The following APBB1IP variants were observed in gnomAD, a reference collection of about 807,000 sequenced individuals.
The protein encoded by APBB1IP is amyloid beta precursor protein binding family B member 1 interacting protein.
In APBB1IP, 27 loss-of-function variants were observed where a neutral mutation model predicts 64.9. The ratio of observed to expected loss-of-function variants is 0.42; its 90% confidence interval spans 0.31 to 0.57. The LOEUF (loss-of-function observed/expected upper bound fraction) is 0.57, where lower values mean the gene tolerates loss of function less well. APBB1IP is among the 20% of genes least tolerant of loss of function. The pLI, the probability that APBB1IP is intolerant of heterozygous loss-of-function variation, is 0.20. For synonymous variants in APBB1IP, 392 were observed against 331.0 expected (o/e 1.18, Z -2.00); for missense variants, 812 against 845.5 (o/e 0.96, Z 0.49).
chr10:26,497,721 A>AT (rs895511347), intron 4 of APBB1IP, among the ~76,000 whole-genome samples: 28,188 of 100,192 alleles, frequency 0.28, 5,246 homozygotes, highest in East Asian at 0.42. Context: ...TGTCCTCTGG[A>AT]TTTTTTTTTT....
chr10:26,516,754 T>C (rs1836336503), intron 8 of APBB1IP, among the ~76,000 whole-genome samples: 1 of 152,032 alleles, frequency 6.6e-6, no homozygotes. Context: ...TTTGTAGCTG[T>C]CTGTTTAGGA....
chr10:26,442,046 C>A (rs539395168), intron 2 of APBB1IP, among the ~76,000 whole-genome samples: 3 of 152,166 alleles, frequency 2.0e-5, no homozygotes, highest in East Asian at 3.9e-4. Flanking sequence ...CATGAAAAAA[C>A]CTGGGGCCTT....
chr10:26,439,448 T>A (rs899677973), intron 2 of APBB1IP, among the ~76,000 whole-genome samples: 1 of 152,222 alleles, frequency 6.6e-6, no homozygotes, highest in Admixed American at 6.5e-5. Flanking sequence ...AAAGATAGAT[T>A]TGGACACCAG....
chr10:26,479,796 T>C (rs1015871019), intron 2 of APBB1IP, among the ~76,000 whole-genome samples: 1 of 152,236 alleles, frequency 6.6e-6, no homozygotes, highest in Non-Finnish European at 1.5e-5. Context: ...CCAGCATGGC[T>C]GATCAAAATT....
chr10:26,487,529 T>A (rs1229643980), intron 2 of APBB1IP, among the ~76,000 whole-genome samples: 1 of 152,164 alleles, frequency 6.6e-6, no homozygotes, highest in African/African-American at 2.4e-5. Flanking sequence ...ACAATTTTGA[T>A]GTTGGCTCCA....
rs1287228962 is a variant in APBB1IP at position 26,501,110 on chromosome 10, A to T, written c.452A>T (p.Gln151Leu). The T allele has an allele frequency of 4.3e-6, 7 of 1,614,168 alleles. No homozygotes were observed. Among genetic ancestry groups the T allele is most frequent in the Non-Finnish European group, 5.9e-6 (7 of 1,180,016 alleles). ...CCACCACCTCCTGAACCTCTCTCTC[A>T]GGTAAGTATGTGGGACCAGAGATGG... is the stretch of plus-strand genomic sequence containing the variant. ...LPPPPPEPLS[Q>L]EEEEAQAKAD... The change falls in exon 5 of 15, where the codon CAG becomes CTG. Residue 151 changes from glutamine to leucine, a missense_variant and splice_region_variant. Transcript: ENST00000376236.
chr10:26,524,974 T>TTTTTTTTTTTTTTTTTTTTTTTTTTA lies in APBB1IP; in HGVS notation c.814-8465_814-8464insTTTTTTTTTTTTTTTTTTTTTTTTTA, dbSNP rs1554778195. Among the ~76,000 whole-genome samples, 63 of 126,754 alleles carry TTTTTTTTTTTTTTTTTTTTTTTTTTA rather than the reference T, an allele frequency of 5.0e-4. 3 individuals are homozygous for TTTTTTTTTTTTTTTTTTTTTTTTTTA. Among genetic ancestry groups the TTTTTTTTTTTTTTTTTTTTTTTTTTA allele is most frequent in the Non-Finnish European group, 9.1e-4 (53 of 58,158 alleles). 83.2% of individuals were successfully genotyped at this position (126,754 alleles called of 152,430 possible). A position where few individuals can be genotyped will look rare whatever the true frequency, so the allele number is the denominator to read the frequency against. On this transcript the variant is annotated intron_variant, in intron 8 of 14. Coordinates refer to ENST00000376236, the MANE Select transcript of APBB1IP (RefSeq NM_019043.4). ...TTCTTTCTTTTTTTTTTTTTTTTTT[T>TTTTTTTTTTTTTTTTTTTTTTTTTTA]ATAAAAAAAGGAATCCTGGCAAGAG...
intron 7 of APBB1IP, among the ~76,000 whole-genome samples, chr10:26,513,016 C>T (rs1159395580): frequency 6.6e-6 from 1 of 152,226 alleles, no homozygotes; most frequent in Non-Finnish European, 1.5e-5. Context: ...CACACTGGCT[C>T]TCACAATTTC....
chr10:26,559,025 A>G (rs1588619829), intron 11 of APBB1IP, among the ~76,000 whole-genome samples: 1 of 152,324 alleles, frequency 6.6e-6, no homozygotes, highest in Non-Finnish European at 1.5e-5. Flanking sequence ...TAAGAAGGAA[A>G]GGTCATCACA....
At chr10:26,527,066 C>T (rs2132457943) in intron 8 of APBB1IP, among the ~76,000 whole-genome samples, 1 of 152,296 alleles carries the variant, frequency 6.6e-6, no homozygotes, top group African/African-American at 2.4e-5. Flanking sequence ...TCCCTCAGCC[C>T]ACCAAGGGCA....
At chr10:26,556,538 CT>C (rs1256340061) in intron 11 of APBB1IP, among the ~76,000 whole-genome samples, 2 of 152,310 alleles carry the variant, frequency 1.3e-5, no homozygotes, top group Admixed American at 1.3e-4. Context: ...CATCAGGGGG[CT>C]GTTTTATGTT....
intron 5 of APBB1IP, among the ~76,000 whole-genome samples, chr10:26,502,094 C>A (rs1398879730): frequency 6.6e-6 from 1 of 152,152 alleles, no homozygotes; most frequent in African/African-American, 2.4e-5. Flanking sequence ...ACTTGTGAAG[C>A]TTTATGGGCT....
At chr10:26,545,171 C>A (rs1417743509) in intron 11 of APBB1IP, among the ~76,000 whole-genome samples, 1 of 152,140 alleles carries the variant, frequency 6.6e-6, no homozygotes, top group Non-Finnish European at 1.5e-5. Context: ...TTTGGAGAAC[C>A]TAATTTGTTT....
At chr10:26,452,169 T>C (rs1013205592) in intron 2 of APBB1IP, among the ~76,000 whole-genome samples, 2 of 152,230 alleles carry the variant, frequency 1.3e-5, no homozygotes, top group South Asian at 2.1e-4. Context: ...AGTGTGTTTA[T>C]TCCTTTCCTA....
At chr10:26,455,330 C>A (rs879871425) in intron 2 of APBB1IP, among the ~76,000 whole-genome samples, 6 of 152,048 alleles carry the variant, frequency 3.9e-5, no homozygotes, top group African/African-American at 7.2e-5. Context: ...GAGTTTGAGA[C>A]CAGCCTGGCC....
intron 11 of APBB1IP, among the ~76,000 whole-genome samples, chr10:26,549,721 C>A (rs1214132288): frequency 2.6e-5 from 4 of 151,668 alleles, no homozygotes; most frequent in African/African-American, 4.8e-5. Context: ...CTTAGACTAG[C>A]TAAAGGTTTC....
In APBB1IP at chr10:26,462,182, G is replaced by A. The variant is rs747206551; in HGVS notation, c.-1+23329G>A. On this transcript the variant is annotated intron_variant, in intron 2 of 14. Transcript: ENST00000376236. ...CAAAACCTGAAGTATTTGCTGTCTT[G>A]TCCCTTATAAAAAAAAGTTTCCCAA... Among the ~76,000 whole-genome samples the A allele has an allele frequency of 3.0e-4, 45 of 152,152 alleles. 1 individual carries two copies. The highest frequency in any genetic ancestry group is 6.0e-4 in the Non-Finnish European group (41 of 68,024).
rs547247823 is a variant in APBB1IP, at chr10:26,441,532, G to T, written c.-1+2679G>T. Among the ~76,000 whole-genome samples, 9 of 152,230 alleles carry T rather than the reference G, an allele frequency of 5.9e-5. No individual in the cohort carries two copies. The East Asian group carries it at 1.7e-3, about 29-fold the overall frequency. ...TGCATCATCATTTCCTAGCCAATTT[G>T]TGATCCCAAAATGAGGACTCCAAAG... On this transcript the variant is annotated intron_variant, in intron 2 of 14. Coordinates refer to ENST00000376236, the MANE Select transcript of APBB1IP (RefSeq NM_019043.4).
intron 10 of APBB1IP, among the ~76,000 whole-genome samples, chr10:26,539,504 A>G (rs1347226332): frequency 1.3e-5 from 2 of 151,922 alleles, no homozygotes; most frequent in African/African-American, 4.8e-5. Flanking sequence ...AGGAAGGAAG[A>G]AAGGGAGAAA....
Sources: allele counts gnomAD v4.1 joint callset (sites outside exome capture counted in the v4.1 genomes callset), GRCh38; gene constraint gnomAD v4.1.1; transcripts MANE v1.5; gene names NCBI Gene and HGNC (gene_info 2026-07-23, HGNC 2026-07-21).